The following SGCZ variants were observed in gnomAD, a reference collection of about 807,000 sequenced individuals.
The protein encoded by SGCZ is sarcoglycan zeta, also known as zeta-sarcoglycan.
Under a neutral mutation model 41.3 loss-of-function variants are expected in SGCZ, and 40 were observed. The ratio of observed to expected loss-of-function variants is 0.97; its 90% CI spans 0.75 to 1.26. The LOEUF (loss-of-function observed/expected upper bound fraction) is 1.26. Among genes scored for constraint, SGCZ ranks in the 50% most tolerant of loss-of-function variants. The probability of loss-of-function intolerance (pLI) is 0.00; values close to 1 mark genes in which losing one functional copy is unlikely to be tolerated. For synonymous variants in SGCZ, 206 were observed against 137.5 expected (o/e 1.50, Z -3.49); for missense variants, 552 against 369.8 (o/e 1.49, Z -4.04).
At chr8:14,145,836 C>T (rs1803505501) in intron 5 of SGCZ, among the ~76,000 whole-genome samples, 1 of 152,156 alleles carries the variant, frequency 6.6e-6, no homozygotes, top group East Asian at 1.9e-4. Context: ...TCTTTAATGG[C>T]AGAATCGATC....
At chr8:14,753,489 A>G (rs1585232625) in intron 1 of SGCZ, among the ~76,000 whole-genome samples, 1 of 152,202 alleles carries the variant, frequency 6.6e-6, no homozygotes, top group Non-Finnish European at 1.5e-5. Flanking sequence ...AAATATGCAT[A>G]AGCAACATAC....
At chr8:14,872,400 T>A (rs1804194580) in intron 1 of SGCZ, among the ~76,000 whole-genome samples, 1 of 151,694 alleles carries the variant, frequency 6.6e-6, no homozygotes, top group Admixed American at 6.6e-5. Context: ...GTGTTTTTGC[T>A]GTATATTATT....
intron 1 of SGCZ, among the ~76,000 whole-genome samples, chr8:14,752,132 C>CAAAAAAA (rs56243371): frequency 1.0e-4 from 12 of 117,758 alleles, no homozygotes; most frequent in Middle Eastern, 4.7e-3. Context: ...ACAAAAAAGC[C>CAAAAAAA]AAAAAAAAAA....
chr8:15,107,648 C>G (rs1369149116), intron 1 of SGCZ, among the ~76,000 whole-genome samples: 1 of 151,990 alleles, frequency 6.6e-6, no homozygotes, highest in Non-Finnish European at 1.5e-5. Context: ...CTACATAAAC[C>G]TTTTTTTTGT....
At position 14,381,092 on chromosome 8, in the gene SGCZ, T is replaced by TAAA. The variant is rs71541665; in HGVS notation, c.235-56891_235-56889dup. Among the ~76,000 whole-genome samples the TAAA allele has an allele frequency of 3.0e-3, 456 of 149,642 alleles. 2 individuals are homozygous for TAAA. The highest frequency in any genetic ancestry group is 0.011 in the African/African-American group (436 of 40,888). On this transcript the variant is annotated intron_variant, in intron 2 of 7. Transcript: ENST00000382080. The stretch of plus-strand genomic sequence containing the variant: ...ACTTGATCATAATTAGCAAAAGTAG[T>TAAA]AAAAAAAAAATACCTTTGTAAAATT...
At chr8:15,075,350 G>T (rs530097675) in intron 1 of SGCZ, among the ~76,000 whole-genome samples, 2 of 152,012 alleles carry the variant, frequency 1.3e-5, no homozygotes, top group Non-Finnish European at 2.9e-5. Context: ...TTCCCAAATG[G>T]CATTCATTTT....
Position 14,541,550 on chromosome 8 carries a change from G to C in SGCZ, c.234+13182C>G, listed in dbSNP as rs1025560405. On this transcript the variant is annotated intron_variant, in intron 2 of 7. Coordinates refer to ENST00000382080, the MANE Select transcript of SGCZ (RefSeq NM_139167.4). Reference sequence around the variant, plus strand: ...TCTTTATCCAGTCTATCATTGATGGGTATTTGGGTTGGTTCCAAGTCAATG... The same window carrying C: ...TCTTTATCCAGTCTATCATTGATGGCTATTTGGGTTGGTTCCAAGTCAATG... Among the ~76,000 whole-genome samples the C allele has an allele frequency of 2.0e-5, 3 of 152,000 alleles. No individual in the cohort carries two copies. The East Asian group carries it at 5.8e-4, about 29-fold the overall frequency.
chr8:15,135,757 C>A (rs1368911805), intron 1 of SGCZ, among the ~76,000 whole-genome samples: 1 of 152,002 alleles, frequency 6.6e-6, no homozygotes, highest in African/African-American at 2.4e-5. Flanking sequence ...CTTGGCCTAT[C>A]CCAGGAAATA....
At chr8:14,979,451 G>T (rs1340993569) in intron 1 of SGCZ, among the ~76,000 whole-genome samples, 1 of 152,098 alleles carries the variant, frequency 6.6e-6, no homozygotes, top group Non-Finnish European at 1.5e-5. Context: ...AATGTACAAG[G>T]CTTACATAAT....
intron 1 of SGCZ, among the ~76,000 whole-genome samples, chr8:15,199,377 T>A (rs1007699215): frequency 1.3e-5 from 2 of 152,190 alleles, no homozygotes; most frequent in African/African-American, 4.8e-5. Flanking sequence ...TAATCCCCCA[T>A]TAAATACAGA....
chr8:14,794,233 A>T (rs1399712609), intron 1 of SGCZ, among the ~76,000 whole-genome samples: 2 of 152,186 alleles, frequency 1.3e-5, no homozygotes, highest in Non-Finnish European at 2.9e-5. Flanking sequence ...GGTAAAAAAT[A>T]ATATGCACAA....
At chr8:14,801,241 A>T (rs902902289) in intron 1 of SGCZ, among the ~76,000 whole-genome samples, 1 of 152,170 alleles carries the variant, frequency 6.6e-6, no homozygotes, top group Non-Finnish European at 1.5e-5. Flanking sequence ...GATAAACAGA[A>T]ATTATATGGG....
At chr8:15,135,113 T>C (rs540980402) in intron 1 of SGCZ, among the ~76,000 whole-genome samples, 1 of 152,312 alleles carries the variant, frequency 6.6e-6, no homozygotes, top group African/African-American at 2.4e-5. Flanking sequence ...AAAAATTATA[T>C]GCAACTTTAT....
chr8:14,188,824 G>GTTTTTTTTT (rs145555540), intron 4 of SGCZ, among the ~76,000 whole-genome samples: 179 of 62,138 alleles, frequency 2.9e-3, no homozygotes, highest in African/African-American at 4.5e-3. Context: ...TTGTTTCTTT[G>GTTTTTTTTT]TTTTTTTTTG....
At chr8:14,113,047 T>G (rs974575945) in intron 5 of SGCZ, among the ~76,000 whole-genome samples, 1 of 152,228 alleles carries the variant, frequency 6.6e-6, no homozygotes, top group East Asian at 1.9e-4. Context: ...CATCTCCTAT[T>G]TGTGTTATTT....
intron 3 of SGCZ, among the ~76,000 whole-genome samples, chr8:14,262,737 C>T (rs1359093146): frequency 6.7e-6 from 1 of 150,336 alleles, no homozygotes; most frequent in East Asian, 1.9e-4. Flanking sequence ...AAAGATGTAT[C>T]GTGATATATG....
At chr8:15,058,090 G>A (rs531229903) in intron 1 of SGCZ, among the ~76,000 whole-genome samples, 3 of 152,292 alleles carry the variant, frequency 2.0e-5, no homozygotes, top group East Asian at 1.9e-4. Context: ...TTAATTTCAC[G>A]AGGGTGGTCA....
intron 1 of SGCZ, among the ~76,000 whole-genome samples, chr8:14,585,292 A>G (rs998666163): frequency 3.3e-5 from 5 of 152,172 alleles, no homozygotes; most frequent in African/African-American, 1.2e-4. Flanking sequence ...TATTTGTACT[A>G]TTCATCTTGA....
At chr8:14,824,685 G>A (rs920528755) in intron 1 of SGCZ, among the ~76,000 whole-genome samples, 4 of 151,970 alleles carry the variant, frequency 2.6e-5, no homozygotes, top group Non-Finnish European at 5.9e-5. Context: ...ATCCTTGTTT[G>A]AGGAATGAGT....
Sources: gnomAD v4.1 joint callset for allele counts (sites outside exome capture counted in the v4.1 genomes callset) on GRCh38, gnomAD v4.1.1 for gene constraint, MANE v1.5 for transcripts, NCBI Gene and HGNC (gene_info 2026-07-23, HGNC 2026-07-21) for gene names.